Variants in ROBO2 observed in about 807,000 individuals in gnomAD.
The protein encoded by ROBO2 is roundabout guidance receptor 2, also known as roundabout homolog 2.
A neutral mutation model predicts 160.8 loss-of-function variants in ROBO2; 53 were observed. That is an observed-to-expected ratio of 0.33 (90% CI 0.26 to 0.41). ROBO2 has a LOEUF of 0.41. Ranked by LOEUF, ROBO2 falls within the 10% of genes least tolerant of loss-of-function variation. The pLI, the probability that ROBO2 is intolerant of heterozygous loss-of-function variation, is 1.00. For synonymous variants in ROBO2, 664 were observed against 611.7 expected, an observed-to-expected ratio of 1.09 and a Z score of -1.26; for missense variants, 1,577 against 1,722.4, an observed-to-expected ratio of 0.92 and a Z score of 1.49.
chr3:75,982,105 A>T (rs537853931), intron 2 of ROBO2, among the ~76,000 whole-genome samples: 79 of 151,618 alleles, frequency 5.2e-4, no homozygotes, highest in African/African-American at 1.9e-3. Context: ...ACTGAATCTC[A>T]TTCTTTTTTA....
intron 2 of ROBO2, among the ~76,000 whole-genome samples, chr3:75,985,781 T>C (rs1304860670): frequency 6.6e-6 from 1 of 151,696 alleles, no homozygotes; most frequent in East Asian, 1.9e-4. Context: ...AAGAACCTCA[T>C]ATAAATGAAA....
intron 2 of ROBO2, among the ~76,000 whole-genome samples, chr3:76,282,601 T>A (rs1297999158): frequency 6.6e-6 from 1 of 152,048 alleles, no homozygotes; most frequent in Admixed American, 6.6e-5. Context: ...TTTAAAACTT[T>A]GTGCTGACAA....
chr3:77,196,606 A>G (rs748011800), intron 2 of ROBO2, among the ~76,000 whole-genome samples: 2 of 152,072 alleles, frequency 1.3e-5, no homozygotes, highest in African/African-American at 2.4e-5. Flanking sequence ...ACTTAAATAC[A>G]TTGTGGCAGT....
At chr3:76,511,317 T>C (rs537749035) in intron 2 of ROBO2, among the ~76,000 whole-genome samples, 13 of 152,326 alleles carry the variant, frequency 8.5e-5, no homozygotes, top group African/African-American at 2.4e-4. Context: ...ATAAAAAGCA[T>C]AGGTCACCAG....
intron 20 of ROBO2, chr3:77,603,002 T>G (rs1559706869): frequency 4.4e-6 from 2 of 456,606 alleles, no homozygotes; most frequent in Admixed American, 2.3e-5. Flanking sequence ...ACAACCAGTC[T>G]CAGGATTTCA....
At chr3:76,579,104 A>G (rs2085490370) in intron 2 of ROBO2, among the ~76,000 whole-genome samples, 1 of 152,062 alleles carries the variant, frequency 6.6e-6, no homozygotes, top group African/African-American at 2.4e-5. Flanking sequence ...TTTGCTCCCT[A>G]TATTTTCTTT....
intron 2 of ROBO2, among the ~76,000 whole-genome samples, chr3:76,477,697 C>T (rs954609593): frequency 1.3e-5 from 2 of 151,968 alleles, no homozygotes; most frequent in Admixed American, 6.6e-5. Flanking sequence ...TCAAATTTAT[C>T]CACAGTCTTC....
At chr3:77,280,042 T>C (rs998667011) in intron 2 of ROBO2, among the ~76,000 whole-genome samples, 4 of 152,186 alleles carry the variant, frequency 2.6e-5, no homozygotes, top group African/African-American at 7.2e-5. Flanking sequence ...ACTCTACCAG[T>C]TCTTGATTAA....
At chr3:77,047,395 G>A (rs572441478) in intron 1 of ROBO2, among the ~76,000 whole-genome samples, 18 of 152,188 alleles carry the variant, frequency 1.2e-4, no homozygotes, top group Non-Finnish European at 1.6e-4. Flanking sequence ...AAAATATAAC[G>A]ATATATAGGC....
At chr3:76,119,921 C>CCTTT (rs1440264907) in intron 2 of ROBO2, among the ~76,000 whole-genome samples, 3 of 42,652 alleles carry the variant, frequency 7.0e-5, no homozygotes, top group Non-Finnish European at 2.0e-4. Context: ...TCCCTCCCTT[C>CCTTT]CTTCCTTCCT....
At chr3:76,098,228 T>C (rs773806419) in intron 2 of ROBO2, among the ~76,000 whole-genome samples, 23 of 152,202 alleles carry the variant, frequency 1.5e-4, no homozygotes, top group Non-Finnish European at 3.2e-4. Flanking sequence ...TTAATTCCTG[T>C]GGTAAGGAAT....
intron 2 of ROBO2, among the ~76,000 whole-genome samples, chr3:76,898,499 T>G (rs931107320): frequency 2.0e-5 from 3 of 152,128 alleles, no homozygotes; most frequent in African/African-American, 7.2e-5. Context: ...CTACATCTAA[T>G]TGCGATATTT....
intron 22 of ROBO2, 52 bp from the exon 24 acceptor site, chr3:77,622,175 T>G: frequency 6.7e-7 from 1 of 1,490,788 alleles, no homozygotes; most frequent in Non-Finnish European, 9.3e-7. Flanking sequence ...ATTATGATTT[T>G]GTTGCATGTT....
intron 2 of ROBO2, among the ~76,000 whole-genome samples, chr3:76,646,782 A>G (rs1333390648): frequency 6.6e-6 from 1 of 152,204 alleles, no homozygotes; most frequent in African/African-American, 2.4e-5. Context: ...ACAGGATGCA[A>G]TAATCACAGC....
In ROBO2 at chr3:76,722,804, T is replaced by A. The variant is rs553137081; in HGVS notation, c.110-375210T>A. ...ATATCAGTACTTCATTGCTTTTTGT[T>A]ACTGAATAGTGTTTCATCACATTTT... On this transcript the variant is annotated intron_variant, in intron 2 of 26. Transcript: ENST00000487694. Among the ~76,000 whole-genome samples, 4 of 152,372 alleles carry A rather than the reference T, an allele frequency of 2.6e-5. No individual in the cohort carries two copies. In the South Asian group the frequency reaches 8.3e-4, roughly 32 times the overall value.
intron 2 of ROBO2, among the ~76,000 whole-genome samples, chr3:75,979,310 C>CAT (rs749889242): frequency 1.3e-5 from 2 of 151,402 alleles, no homozygotes; most frequent in Non-Finnish European, 3.0e-5. Context: ...AATATACACA[C>CAT]ATATATAGAG....
rs7356117 is a variant in ROBO2, at chr3:76,273,116, T to C, written c.109+335514T>C. ...ATACACACACATATACACACACACA[T>C]ATAAATATATATATATATATATATA... On this transcript the variant is annotated intron_variant, in intron 2 of 26. Coordinates refer to the ROBO2 transcript ENST00000487694. Among the ~76,000 whole-genome samples the C allele has an allele frequency of 7.5e-3, 69 of 9,260 alleles. 4 individuals are homozygous for C. The highest frequency in any genetic ancestry group is 0.061 in the South Asian group (6 of 98). 6.1% of individuals were successfully genotyped at this position (9,260 alleles called of 152,430 possible).
chr3:77,403,063 T>C (rs1243811320), intron 2 of ROBO2, among the ~76,000 whole-genome samples: 5 of 152,148 alleles, frequency 3.3e-5, no homozygotes, highest in African/African-American at 4.8e-5. Flanking sequence ...TAGTAAGCAA[T>C]GATAGACCAA....
intron 2 of ROBO2, among the ~76,000 whole-genome samples, chr3:77,112,996 T>A (rs1276791455): frequency 1.3e-5 from 2 of 152,244 alleles, no homozygotes; most frequent in African/African-American, 4.8e-5. Context: ...TTCTCAGCAC[T>A]TTCCTATACA....
Sources: allele counts gnomAD v4.1 joint callset (sites outside exome capture counted in the v4.1 genomes callset), GRCh38; gene constraint gnomAD v4.1.1; transcripts MANE v1.5; gene names NCBI Gene and HGNC (gene_info 2026-07-23, HGNC 2026-07-21).